Variants in FRMD5 observed in about 807,000 individuals in gnomAD.
The protein encoded by FRMD5 is FERM domain containing 5.
FRMD5 carries 20 observed loss-of-function variants against 69.0 expected under a neutral mutation model. The observed-to-expected ratio is 0.29, with a 90% CI of 0.20 to 0.42. The LOEUF is 0.42. Among genes scored for constraint, FRMD5 ranks in the 10% least tolerant of loss-of-function variants. The pLI is 1.00. For missense variants in FRMD5, 595 were observed against 708.6 expected (o/e 0.84, Z 1.82); for synonymous variants, 271 against 260.1 (o/e 1.04, Z -0.40).
chr15:44,040,612 T>C (rs1892143537), intron 1 of FRMD5, among the ~76,000 whole-genome samples: 1 of 152,044 alleles, frequency 6.6e-6, no homozygotes, highest in African/African-American at 2.4e-5. Context: ...GACAAGCAAA[T>C]GTTGAGAGAT....
At chr15:43,949,801 G>A (rs932087064) in intron 1 of FRMD5, among the ~76,000 whole-genome samples, 1 of 152,046 alleles carries the variant, frequency 6.6e-6, no homozygotes, top group African/African-American at 2.4e-5. Flanking sequence ...AAAATACCCT[G>A]GACACAAGGC....
At chr15:43,958,661 T>C (rs984637541) in intron 1 of FRMD5, among the ~76,000 whole-genome samples, 5 of 152,226 alleles carry the variant, frequency 3.3e-5, no homozygotes, top group African/African-American at 1.2e-4. Flanking sequence ...CTCGAATTCC[T>C]GGACTCAAGC....
intron 1 of FRMD5, among the ~76,000 whole-genome samples, chr15:44,116,237 A>G (rs2076866819): frequency 2.0e-5 from 3 of 150,524 alleles, no homozygotes; most frequent in Admixed American, 2.0e-4. Context: ...AGAGAGAGAG[A>G]GAGAGGGAGA....
At chr15:44,038,083 C>T (rs547051312) in intron 1 of FRMD5, among the ~76,000 whole-genome samples, 3 of 152,244 alleles carry the variant, frequency 2.0e-5, no homozygotes, top group Admixed American at 2.0e-4. Context: ...TGTTTGTTGG[C>T]CACATAAATG....
intron 1 of FRMD5, among the ~76,000 whole-genome samples, chr15:43,985,177 A>G (rs1889330624): frequency 7.0e-6 from 1 of 143,442 alleles, no homozygotes; most frequent in African/African-American, 2.5e-5. Flanking sequence ...GCTACTTGGG[A>G]GGCTGAGGCA....
At chr15:43,936,483 G>T (rs982071293) in intron 1 of FRMD5, among the ~76,000 whole-genome samples, 4 of 152,228 alleles carry the variant, frequency 2.6e-5, no homozygotes, top group East Asian at 1.9e-4. Flanking sequence ...GAGCCACCAC[G>T]CCCGGCCAAG....
rs372074731 is a variant in FRMD5 at position 43,873,838 on chromosome 15, G to C, written c.*47C>G. ...GTCCCATTGCTGGGAATGGGTAGCC[G>C]GGTTCCTTGGTCCACCTGGCTAGTT... On this transcript the variant is annotated 3_prime_UTR_variant, in exon 14 of 14. Coordinates refer to ENST00000417257, the MANE Select transcript of FRMD5 (RefSeq NM_032892.5). 19 of 1,601,928 alleles carry C rather than the reference G, an allele frequency of 1.2e-5. No individual in the cohort carries two copies. The highest frequency in any genetic ancestry group is 2.2e-5 in the East Asian group (1 of 44,486).
At chr15:44,077,487 TA>T (rs1294329267) in intron 1 of FRMD5, among the ~76,000 whole-genome samples, 1 of 152,002 alleles carries the variant, frequency 6.6e-6, no homozygotes, top group Non-Finnish European at 1.5e-5. Context: ...ACTGCAAGAT[TA>T]AAAAAGAAGA....
chr15:44,146,229 A>G (rs1326691382), intron 1 of FRMD5, among the ~76,000 whole-genome samples: 1 of 151,978 alleles, frequency 6.6e-6, no homozygotes, highest in Non-Finnish European at 1.5e-5. Context: ...TTTGGCTCTC[A>G]CTTGTAAGTG....
At chr15:44,197,678 CAAAA>C (rs5812271), upstream of FRMD5, among the ~76,000 whole-genome samples, 2 of 84,656 alleles carry the variant, frequency 2.4e-5, no homozygotes, top group Non-Finnish European at 4.6e-5. Flanking sequence ...GACTCCATCT[CAAAA>C]AAAAAAAAAA....
intron 2 of FRMD5, among the ~76,000 whole-genome samples, chr15:43,922,653 G>C (rs1174460798): frequency 6.6e-6 from 1 of 150,890 alleles, no homozygotes; most frequent in Non-Finnish European, 1.5e-5. Flanking sequence ...AGAGATCTTG[G>C]AGTAACTGGC....
chr15:44,153,075 G>A (rs1032700178), intron 1 of FRMD5, among the ~76,000 whole-genome samples: 15 of 152,196 alleles, frequency 9.9e-5, no homozygotes, highest in African/African-American at 3.4e-4. Flanking sequence ...TGCTGGACAG[G>A]ATGTGGAGAA....
intron 1 of FRMD5, among the ~76,000 whole-genome samples, chr15:43,988,741 G>A (rs1889522277): frequency 6.6e-6 from 1 of 152,130 alleles, no homozygotes; most frequent in African/African-American, 2.4e-5. Context: ...GAGAGGACTG[G>A]GCCATTCTCC....
chr15:43,881,496 C>G (rs751913948), intron 13 of FRMD5, among the ~76,000 whole-genome samples: 17 of 152,186 alleles, frequency 1.1e-4, no homozygotes, highest in Non-Finnish European at 2.4e-4. Context: ...CACAGGCACT[C>G]TCCCACACCC....
chr15:43,936,028 T>C (rs1164648671), intron 1 of FRMD5, among the ~76,000 whole-genome samples: 1 of 152,204 alleles, frequency 6.6e-6, no homozygotes, highest in Non-Finnish European at 1.5e-5. Context: ...TCTCATGATA[T>C]GCACTGCCTG....
chr15:44,068,727 C>T (rs1432566790), intron 1 of FRMD5, among the ~76,000 whole-genome samples: 5 of 152,114 alleles, frequency 3.3e-5, no homozygotes, highest in Admixed American at 2.0e-4. Context: ...GATTTGTATA[C>T]TTTAAACAGG....
intron 1 of FRMD5, among the ~76,000 whole-genome samples, chr15:44,061,715 G>T (rs928710509): frequency 6.6e-6 from 1 of 152,170 alleles, no homozygotes; most frequent in African/African-American, 2.4e-5. Flanking sequence ...GCTGGGGTGG[G>T]TGGTTATGAA....
At chr15:44,163,736 C>T (rs768862889) in intron 1 of FRMD5, among the ~76,000 whole-genome samples, 4 of 152,112 alleles carry the variant, frequency 2.6e-5, no homozygotes, top group African/African-American at 9.7e-5. Context: ...ATAAAGTGAA[C>T]GTCTAATGAA....
intron 1 of FRMD5, chr15:44,194,468 A>C (rs1190617135): frequency 4.7e-6 from 1 of 214,916 alleles, no homozygotes; most frequent in Non-Finnish European, 9.4e-6. Flanking sequence ...GCTCTGACTC[A>C]CAAATGGTGG....
Sources: gnomAD v4.1 joint callset for allele counts (sites outside exome capture counted in the v4.1 genomes callset) on GRCh38, gnomAD v4.1.1 for gene constraint, MANE v1.5 for transcripts, NCBI Gene and HGNC (gene_info 2026-07-23, HGNC 2026-07-21) for gene names.